PSMG2: variants seen among roughly 807,000 people sequenced by gnomAD.
PSMG2 encodes CD40 ligand-activated specific transcript 3.
A neutral mutation model predicts 31.5 loss-of-function variants in PSMG2; 21 were observed. The observed-to-expected ratio is 0.67, with a 90% CI of 0.47 to 0.96. PSMG2 has a LOEUF of 0.96. PSMG2 is among the 40% of genes least tolerant of loss of function. The probability of loss-of-function intolerance (pLI) is 0.00; values close to 1 mark genes in which losing one functional copy is unlikely to be tolerated. For synonymous variants in PSMG2, 120 were observed against 110.4 expected, an observed-to-expected ratio of 1.09 and a Z score of -0.54; for missense variants, 318 against 321.2, an observed-to-expected ratio of 0.99 and a Z score of 0.08.
chr18:12,724,329 A>T, intron 5 of PSMG2, 170 bp from the exon 6 acceptor site: 1 of 619,224 alleles, frequency 1.6e-6, no homozygotes, highest in South Asian at 2.9e-5. Context: ...GCCTGCTCTC[A>T]CAAGTAGAAA....
chr18:12,672,345 A>G (rs758411784), intron 1 of PSMG2, among the ~76,000 whole-genome samples: 1 of 151,712 alleles, frequency 6.6e-6, no homozygotes, highest in Non-Finnish European at 1.5e-5. Context: ...CGAACTCCTG[A>G]CCTCAAGTGA....
At chr18:12,691,480 A>G in intron 1 of PSMG2, 1 of 1,591,350 alleles carries the variant, frequency 6.3e-7, no homozygotes, top group Non-Finnish European at 8.5e-7. Context: ...CTGACGTTCC[A>G]AAGCAAGCTT....
intron 1 of PSMG2, among the ~76,000 whole-genome samples, chr18:12,676,148 A>C (rs927258821): frequency 6.6e-6 from 1 of 152,060 alleles, no homozygotes. Context: ...GGTCTCAAAG[A>C]TCCACGATTA....
At chr18:12,703,589 T>A (rs2040224817) in intron 1 of PSMG2, among the ~76,000 whole-genome samples, 1 of 152,234 alleles carries the variant, frequency 6.6e-6, no homozygotes, top group Non-Finnish European at 1.5e-5. Context: ...TAGCGCAGTT[T>A]TATCGCTCTT....
At chr18:12,677,997 G>C in intron 1 of PSMG2, 1 of 752,732 alleles carries the variant, frequency 1.3e-6, no homozygotes, top group Non-Finnish European at 2.2e-6. Context: ...AGGGACTGTA[G>C]TTGTTTTGTT....
upstream of PSMG2, chr18:12,700,894 A>T: frequency 7.4e-7 from 1 of 1,346,352 alleles, no homozygotes; most frequent in Non-Finnish European, 1.0e-6. Context: ...GGAACCTTAT[A>T]AGTAGTGTTA....
At chr18:12,664,264 C>T (rs1220017811) in intron 1 of PSMG2, among the ~76,000 whole-genome samples, 1 of 152,170 alleles carries the variant, frequency 6.6e-6, no homozygotes, top group Non-Finnish European at 1.5e-5. Flanking sequence ...TTTTTGTAGG[C>T]CGGGCATGGT....
intron 1 of PSMG2, among the ~76,000 whole-genome samples, chr18:12,674,056 A>G (rs915198443): frequency 2.6e-5 from 4 of 152,138 alleles, no homozygotes; most frequent in Admixed American, 2.0e-4. Flanking sequence ...CTAGGGCTAC[A>G]TTTCAGACCA....
chr18:12,695,852 C>CACACA (rs2039935665), intron 1 of PSMG2, among the ~76,000 whole-genome samples: 1 of 148,390 alleles, frequency 6.7e-6, no homozygotes, highest in Non-Finnish European at 1.5e-5. Context: ...CATTCCTTCT[C>CACACA]CACACACACA....
intron 5 of PSMG2, among the ~76,000 whole-genome samples, chr18:12,722,520 G>C (rs573109011): frequency 6.8e-4 from 103 of 152,250 alleles, no homozygotes; most frequent in Admixed American, 1.8e-3. Flanking sequence ...CTTGGGTATA[G>C]GGTGAAACTA....
At chr18:12,716,948 C>CTTTTT (rs56726339) in intron 3 of PSMG2, among the ~76,000 whole-genome samples, 4 of 116,782 alleles carry the variant, frequency 3.4e-5, no homozygotes, top group Admixed American at 9.3e-5. Flanking sequence ...TTTTCTTTTA[C>CTTTTT]TTTTTTTTTT....
intron 1 of PSMG2, among the ~76,000 whole-genome samples, chr18:12,677,603 G>T (rs866275659): frequency 6.6e-6 from 1 of 150,922 alleles, no homozygotes; most frequent in South Asian, 2.1e-4. Flanking sequence ...TATGAAAAAA[G>T]TATAACCCAG....
chr18:12,683,548 C>T (rs1214048326), intron 1 of PSMG2, among the ~76,000 whole-genome samples: 1 of 151,826 alleles, frequency 6.6e-6, no homozygotes, highest in African/African-American at 2.4e-5. Context: ...GTCAGGAGTT[C>T]GAGACCAGCC....
intron 5 of PSMG2, among the ~76,000 whole-genome samples, chr18:12,721,487 C>A (rs567147584): frequency 6.6e-6 from 1 of 152,158 alleles, no homozygotes; most frequent in Non-Finnish European, 1.5e-5. Flanking sequence ...CTGTCTACTT[C>A]TAGAACTTTG....
upstream of PSMG2, chr18:12,699,837 T>TA (rs2040089592): frequency 1.3e-6 from 2 of 1,554,434 alleles, no homozygotes; most frequent in Non-Finnish European, 1.8e-6. Flanking sequence ...TACTTTTTTT[T>TA]AATGTCGATT....
chr18:12,716,641 G>A (rs573198404), intron 3 of PSMG2, among the ~76,000 whole-genome samples: 18 of 152,040 alleles, frequency 1.2e-4, no homozygotes, highest in African/African-American at 3.6e-4. Context: ...TGATCTGCCC[G>A]CCTCAGCCTC....
At position 12,715,388 on chromosome 18, in the gene PSMG2, G is replaced by A. The variant is rs2040367066; in HGVS notation, c.288+2628G>A. Among the ~76,000 whole-genome samples, 2 of 152,212 alleles carry A rather than the reference G, an allele frequency of 1.3e-5. 1 individual carries two copies. The highest frequency in any genetic ancestry group is 4.8e-5 in the African/African-American group (2 of 41,458). On this transcript the variant is annotated intron_variant, in intron 3 of 6. Transcript: ENST00000317615. ...CTCATAAGATAGTGTCATGCACATAGAGAAGCTCTCAGTAAATATTTGCTA... is the reference window on the plus strand; with the variant it reads ...CTCATAAGATAGTGTCATGCACATAAAGAAGCTCTCAGTAAATATTTGCTA...
At chr18:12,666,828 T>G (rs1234648611) in intron 1 of PSMG2, among the ~76,000 whole-genome samples, 1 of 152,154 alleles carries the variant, frequency 6.6e-6, no homozygotes. Flanking sequence ...AGCTATTTGA[T>G]TCTTCCAATC....
intron 1 of PSMG2, among the ~76,000 whole-genome samples, chr18:12,662,657 A>T (rs2038717543): frequency 6.6e-6 from 1 of 152,178 alleles, no homozygotes; most frequent in Non-Finnish European, 1.5e-5. Context: ...CACACCTATA[A>T]TCCCAGCTGC....
Sources: gnomAD v4.1 joint callset for allele counts (sites outside exome capture counted in the v4.1 genomes callset) on GRCh38, gnomAD v4.1.1 for gene constraint, MANE v1.5 for transcripts, NCBI Gene and HGNC (gene_info 2026-07-23, HGNC 2026-07-21) for gene names.